The following SSH2 variants were observed in gnomAD, a reference collection of about 807,000 sequenced individuals.
SSH2 encodes protein phosphatase Slingshot homolog 2.
In SSH2, 37 loss-of-function variants were observed where a neutral mutation model predicts 135.2. That is an observed-to-expected ratio of 0.27 (90% confidence interval 0.21 to 0.36). SSH2 has a LOEUF of 0.36. Among genes scored for constraint, SSH2 ranks in the 10% least tolerant of loss-of-function variants. The pLI, the probability that SSH2 is intolerant of heterozygous loss-of-function variation, is 1.00. For missense variants in SSH2, 1,408 were observed against 1,765.3 expected (o/e 0.80, Z 3.63); for synonymous variants, 628 against 646.2 (o/e 0.97, Z 0.43).
At chr17:29,690,058 T>C (rs1488545196) in intron 5 of SSH2, among the ~76,000 whole-genome samples, 1 of 145,646 alleles carries the variant, frequency 6.9e-6, no homozygotes, top group Non-Finnish European at 1.5e-5. Flanking sequence ...CTCAGCATCA[T>C]CTAACATCAG....
chr17:29,664,388 A>AG (rs2037186554), intron 11 of SSH2, among the ~76,000 whole-genome samples: 1 of 152,126 alleles, frequency 6.6e-6, no homozygotes, highest in Admixed American at 6.6e-5. Context: ...AAAAAAAAAA[A>AG]AGATTGGAAG....
intron 3 of SSH2, among the ~76,000 whole-genome samples, chr17:29,726,655 T>C (rs1292860809): frequency 6.6e-6 from 1 of 152,204 alleles, no homozygotes; most frequent in Non-Finnish European, 1.5e-5. Flanking sequence ...CATGAAGATA[T>C]TCAAATTATA....
chr17:29,900,375 T>G (rs1441649530), intron 1 of SSH2, among the ~76,000 whole-genome samples: 1 of 151,958 alleles, frequency 6.6e-6, no homozygotes, highest in Admixed American at 6.6e-5. Context: ...ATTTTTGCAA[T>G]CTACTCATCT....
At chr17:29,699,259 C>CT (rs2038884806) in intron 4 of SSH2, among the ~76,000 whole-genome samples, 1 of 152,120 alleles carries the variant, frequency 6.6e-6, no homozygotes, top group Non-Finnish European at 1.5e-5. Flanking sequence ...CCATAATACC[C>CT]TTTTTTGATT....
chr17:29,653,679 C>T (rs945392856), intron 12 of SSH2, among the ~76,000 whole-genome samples: 5 of 152,074 alleles, frequency 3.3e-5, no homozygotes, highest in African/African-American at 7.2e-5. Flanking sequence ...CGCCACCTCC[C>T]GGGTTCAAGC....
At chr17:29,841,597 T>C (rs2043042024) in intron 2 of SSH2, among the ~76,000 whole-genome samples, 1 of 152,244 alleles carries the variant, frequency 6.6e-6, no homozygotes, top group African/African-American at 2.4e-5. Flanking sequence ...TCTTAAAAAA[T>C]TGTAGTCTAT....
intron 1 of SSH2, among the ~76,000 whole-genome samples, chr17:29,865,099 T>G (rs1242065760): frequency 6.6e-6 from 1 of 152,206 alleles, no homozygotes; most frequent in Non-Finnish European, 1.5e-5. Flanking sequence ...CTCCAGGCAC[T>G]GAAGAAACAG....
chr17:29,794,060 T>C (rs529742296), intron 2 of SSH2, 123 bp from the exon 3 acceptor site: 21 of 732,080 alleles, frequency 2.9e-5, no homozygotes, highest in Admixed American at 1.8e-4. Flanking sequence ...TGTTGTATAC[T>C]TGAACTAAAT....
At chr17:29,835,145 T>C (rs2042921870) in intron 2 of SSH2, among the ~76,000 whole-genome samples, 1 of 152,200 alleles carries the variant, frequency 6.6e-6, no homozygotes, top group African/African-American at 2.4e-5. Context: ...CTAGGCATTA[T>C]TCAAATCTAA....
chr17:29,809,791 C>T (rs530544308), intron 2 of SSH2, among the ~76,000 whole-genome samples: 9 of 152,192 alleles, frequency 5.9e-5, no homozygotes, highest in African/African-American at 1.2e-4. Context: ...CACCTGGCTC[C>T]GAGCAATCCT....
chr17:29,631,685 A>T lies in SSH2; in HGVS notation c.3509T>A (p.Phe1170Tyr). The change falls in exon 16 of 16, where the codon TTC becomes TAC. Residue 1170 changes from phenylalanine (F) to tyrosine (Y), a missense_variant. Phe to Tyr is a conservative substitution (Grantham distance 22). Transcript: ENST00000540801. ...HPQTMVHLEG[F>Y]TEQSSTTDEP... ...ATCTGTAGTGCTGCTCTGCTCTGTG[A>T]AGCCCTCCAGGTGAACCATAGTCTG... The T allele has an allele frequency of 6.2e-7, 1 of 1,614,182 alleles. No homozygotes were observed. Among genetic ancestry groups the T allele is most frequent in the East Asian group, 2.2e-5 (1 of 44,876 alleles).
At chr17:29,647,317 A>AC in intron 14 of SSH2, among the ~76,000 whole-genome samples, 1 of 151,820 alleles carries the variant, frequency 6.6e-6, no homozygotes, top group Non-Finnish European at 1.5e-5. Context: ...GTGCCACTGC[A>AC]CTCCAGCCTG....
At position 29,733,510 on chromosome 17, in the gene SSH2, T is replaced by C. The variant is rs147317471; in HGVS notation, c.189-30448A>G. Among the ~76,000 whole-genome samples the C allele has an allele frequency of 2.0e-3, 299 of 152,380 alleles. 3 individuals are homozygous for C. The highest frequency in any genetic ancestry group is 5.3e-4 in the Non-Finnish European group (36 of 68,038). ...ACATATTCGATGTTTCCCCAAAGGT[T>C]TTCTAATGTCACTAAAGAGGATTAT... On this transcript the variant is annotated intron_variant, in intron 3 of 15. Coordinates refer to ENST00000540801, the MANE Select transcript of SSH2 (RefSeq NM_001282129.2).
At chr17:29,678,770 A>C (rs1430581934) in intron 6 of SSH2, among the ~76,000 whole-genome samples, 2 of 134,532 alleles carry the variant, frequency 1.5e-5, no homozygotes, top group Non-Finnish European at 1.5e-5. Flanking sequence ...GCTGGAGGAC[A>C]GTGGCATAAT....
At chr17:29,816,903 A>G (rs1204417944) in intron 2 of SSH2, among the ~76,000 whole-genome samples, 1 of 152,194 alleles carries the variant, frequency 6.6e-6, no homozygotes, top group African/African-American at 2.4e-5. Flanking sequence ...ATGAAAATAA[A>G]TGACAGAAGA....
intron 8 of SSH2, chr17:29,676,080 T>C (rs1217786974): frequency 3.3e-5 from 5 of 152,184 alleles, no homozygotes; most frequent in Admixed American, 2.0e-4. Context: ...ATTATGCAAA[T>C]AGCCACCAGC....
intron 6 of SSH2, among the ~76,000 whole-genome samples, chr17:29,678,027 T>A (rs1214901896): frequency 6.6e-6 from 1 of 152,126 alleles, no homozygotes. Flanking sequence ...AAAATGCAGA[T>A]GATTGCTGCT....
In SSH2 at chr17:29,795,394, A is replaced by G. The variant is rs149716596; in HGVS notation, c.145-1457T>C. ...CTTTTTTTATTTTCCACAAAGGAAG[A>G]ACAAAACAAAGATTCTGCTTCCAGA... On this transcript the variant is annotated intron_variant, in intron 2 of 15. Transcript: ENST00000540801. Among the ~76,000 whole-genome samples, 11 of 152,346 alleles carry G rather than the reference A, an allele frequency of 7.2e-5. No individual in the cohort carries two copies. In the East Asian group the frequency reaches 2.1e-3, roughly 29 times the overall value.
chr17:29,838,877 G>T, intron 2 of SSH2: 1 of 185,210 alleles, frequency 5.4e-6, no homozygotes, highest in South Asian at 1.2e-4. Context: ...CGAATGGCGG[G>T]GCTAAAAGAG....
Sources: allele counts gnomAD v4.1 joint callset (sites outside exome capture counted in the v4.1 genomes callset), GRCh38; gene constraint gnomAD v4.1.1; transcripts MANE v1.5; gene names NCBI Gene and HGNC (gene_info 2026-07-23, HGNC 2026-07-21).